Variants in SBF2 observed in about 807,000 individuals in gnomAD.
SBF2 encodes SET binding factor 2.
Under a neutral mutation model 225.2 loss-of-function variants are expected in SBF2, and 112 were observed. The observed-to-expected ratio is 0.50, with a 90% CI of 0.43 to 0.58. SBF2 has a LOEUF of 0.58. Among genes scored for constraint, SBF2 ranks in the 20% least tolerant of loss-of-function variants. The probability of loss-of-function intolerance (pLI) is 0.00; values close to 1 mark genes in which losing one functional copy is unlikely to be tolerated. For synonymous variants in SBF2, 763 were observed against 773.3 expected (o/e 0.99, Z 0.22); for missense variants, 1,996 against 2,206.2 (o/e 0.90, Z 1.91).
chr11:9,853,743 A>G, intron 19 of SBF2, 31 bp from the exon 20 acceptor site: 1 of 1,604,670 alleles, frequency 6.2e-7, no homozygotes, highest in Non-Finnish European at 8.5e-7. Context: ...AATCATGGTC[A>G]GTACTTAAAT....
Position 10,097,524 on chromosome 11 carries a change from T to G in SBF2, c.142-54543A>C, listed in dbSNP as rs149425763. On this transcript the variant is annotated intron_variant, in intron 2 of 39. Coordinates refer to ENST00000256190, the MANE Select transcript of SBF2 (RefSeq NM_030962.4). The stretch of plus-strand genomic sequence containing the variant: ...AAATTTAAAATATTCCAAAACACAT[T>G]CTTTAAAAAAAGCTTATTAGAAAGG... Among the ~76,000 whole-genome samples the G allele has an allele frequency of 9.6e-4, 146 of 152,146 alleles. 1 individual carries two copies. The East Asian group carries it at 0.024, about 25-fold the overall frequency.
At chr11:10,196,098 A>G (rs952269880) in intron 1 of SBF2, among the ~76,000 whole-genome samples, 1 of 152,220 alleles carries the variant, frequency 6.6e-6, no homozygotes, top group African/African-American at 2.4e-5. Context: ...AAGACCATAC[A>G]AAACTTTCTG....
chr11:10,231,260 T>C (rs1018829338), intron 1 of SBF2, among the ~76,000 whole-genome samples: 18 of 152,266 alleles, frequency 1.2e-4, no homozygotes, highest in African/African-American at 4.3e-4. Context: ...GTTCGAACTT[T>C]CTCCTCTACC....
At chr11:10,243,456 T>C (rs537858625) in intron 1 of SBF2, among the ~76,000 whole-genome samples, 28 of 148,766 alleles carry the variant, frequency 1.9e-4, no homozygotes, top group African/African-American at 6.2e-4. Flanking sequence ...AAAAAATGAA[T>C]CAAATAATAA....
chr11:9,781,343 G>A (rs1851991493), intron 39 of SBF2, among the ~76,000 whole-genome samples, 164 bp downstream of exon 39: 1 of 152,178 alleles, frequency 6.6e-6, no homozygotes, highest in African/African-American at 2.4e-5. Flanking sequence ...ATAGCCTTGG[G>A]GGTCAATAAT....
chr11:10,000,878 A>T (rs369703727), intron 8 of SBF2, 36 bp downstream of exon 8: 13 of 1,056,036 alleles, frequency 1.2e-5, no homozygotes, highest in African/African-American at 3.1e-5. Flanking sequence ...AAACTTCTGG[A>T]CTCAATAACT....
At chr11:9,887,816 T>C (rs1277461934) in intron 17 of SBF2, among the ~76,000 whole-genome samples, 1 of 152,088 alleles carries the variant, frequency 6.6e-6, no homozygotes, top group Non-Finnish European at 1.5e-5. Context: ...CTATCTTTTT[T>C]TTTTGTGGTC....
At chr11:10,155,421 T>C (rs1032178397) in intron 2 of SBF2, among the ~76,000 whole-genome samples, 1 of 152,336 alleles carries the variant, frequency 6.6e-6, no homozygotes, top group Non-Finnish European at 1.5e-5. Flanking sequence ...GAGGCCTCCC[T>C]GGTTCAAAGA....
intron 30 of SBF2, 101 bp from the exon 31 acceptor site, chr11:9,809,103 T>TA (rs1475657277): frequency 3.7e-6 from 3 of 814,232 alleles, no homozygotes; most frequent in Non-Finnish European, 6.3e-6. Context: ...GACTTAGGGA[T>TA]AAAGCGCTTG....
At chr11:9,908,111 T>A (rs180914744) in intron 16 of SBF2, among the ~76,000 whole-genome samples, 158 of 152,326 alleles carry the variant, frequency 1.0e-3, no homozygotes, top group African/African-American at 3.7e-3. Context: ...GAATTATAAA[T>A]AATATCCTCA....
intron 6 of SBF2, among the ~76,000 whole-genome samples, chr11:10,019,672 G>A (rs143023348): frequency 2.5e-4 from 38 of 150,718 alleles, no homozygotes; most frequent in African/African-American, 8.5e-4. Context: ...AAAAAAAGAC[G>A]ACTTCATTTT....
intron 2 of SBF2, among the ~76,000 whole-genome samples, chr11:10,170,084 T>A (rs1404133205): frequency 6.6e-6 from 1 of 151,952 alleles, no homozygotes; most frequent in Non-Finnish European, 1.5e-5. Context: ...CTGTGGGTTG[T>A]CTCTTCACTT....
chr11:9,785,301 C>T lies in SBF2; in HGVS notation c.5055G>A (p.Ser1685=), dbSNP rs375798441. The T allele has an allele frequency of 1.8e-4, 287 of 1,614,080 alleles. 4 individuals carry two copies. The South Asian group carries it at 2.9e-3, about 16-fold the overall frequency. The change falls in exon 37 of 40, where the codon TCG becomes TCA. Residue 1685 remains serine, a synonymous_variant. Coordinates refer to ENST00000256190, the MANE Select transcript of SBF2 (RefSeq NM_030962.4). ...TGGTAGACACAATTCCTGGGGATCT[C>T]GACAGGTGTCTTTGGGACTGAAAAA... ...PRTDRSQRHL[S]RSPGIVSTNL... is the part of the protein sequence containing the mutation.
intron 6 of SBF2, among the ~76,000 whole-genome samples, chr11:10,021,446 A>T (rs1201614629): frequency 6.7e-6 from 1 of 149,304 alleles, no homozygotes. Flanking sequence ...TGCCAAAAAA[A>T]CAAAAAAAAC....
At chr11:9,841,583 A>G (rs562942874) in intron 25 of SBF2, among the ~76,000 whole-genome samples, 1 of 150,848 alleles carries the variant, frequency 6.6e-6, no homozygotes, top group Admixed American at 6.6e-5. Flanking sequence ...CCCAGGCTGG[A>G]GTGCAGTGGT....
intron 17 of SBF2, among the ~76,000 whole-genome samples, chr11:9,860,842 A>G (rs1037092176): frequency 3.9e-5 from 6 of 152,198 alleles, no homozygotes; most frequent in Non-Finnish European, 7.3e-5. Flanking sequence ...TCAGATTCTC[A>G]CAAAGTACTT....
intron 16 of SBF2, among the ~76,000 whole-genome samples, chr11:9,914,212 C>A (rs1159704000): frequency 2.6e-5 from 4 of 152,164 alleles, no homozygotes; most frequent in Non-Finnish European, 4.4e-5. Context: ...GTAGACAGCA[C>A]ACAAGAATAG....
chr11:9,942,875 GAAAGA>G lies in SBF2; in HGVS notation c.1860+19077_1860+19081del, dbSNP rs1459529641. 5.5e-3 allele frequency among the ~76,000 whole-genome samples: 525 copies of G among 94,850 alleles called. 5 individuals are homozygous for G. Among genetic ancestry groups the G allele is most frequent in the South Asian group, 8.5e-3 (24 of 2,828 alleles). The allele number at this position is 94,850 out of a possible 152,430, so 62.2% of individuals were successfully genotyped here. A position where few individuals can be genotyped will look rare whatever the true frequency, so the allele number is the denominator to read the frequency against. ...AGAAAGAAAGGAAGAAAGGAAGAAAGAAAGAAAAGAAAAGAAAGAGAGAGAGAGAA... is the reference window on the plus strand; with the variant it reads ...AGAAAGAAAGGAAGAAAGGAAGAAAGAAAGAAAAGAAAGAGAGAGAGAGAA... On this transcript the variant is annotated intron_variant, in intron 16 of 39. Transcript: ENST00000256190.
chr11:10,230,591 A>G (rs978055554), intron 1 of SBF2, among the ~76,000 whole-genome samples: 1 of 152,186 alleles, frequency 6.6e-6, no homozygotes, highest in Non-Finnish European at 1.5e-5. Context: ...GCTGGATATG[A>G]AATTCTGGGT....
Sources: gnomAD v4.1 joint callset for allele counts (sites outside exome capture counted in the v4.1 genomes callset) on GRCh38, gnomAD v4.1.1 for gene constraint, MANE v1.5 for transcripts, NCBI Gene and HGNC (gene_info 2026-07-23, HGNC 2026-07-21) for gene names.